The following CACNB4 variants were observed in gnomAD, a reference collection of about 807,000 sequenced individuals.
The protein encoded by CACNB4 is calcium voltage-gated channel auxiliary subunit beta 4.
In CACNB4, 32 loss-of-function variants were observed where a neutral mutation model predicts 71.2. The observed-to-expected ratio is 0.45, with a 90% CI of 0.34 to 0.60. The LOEUF is 0.60. Among genes scored for constraint, CACNB4 ranks in the 20% least tolerant of loss-of-function variants. The pLI is 0.01. For synonymous variants in CACNB4, 231 were observed against 236.9 expected (o/e 0.97, Z 0.23); for missense variants, 464 against 647.9 (o/e 0.72, Z 3.08).
chr2:151,927,093 T>C (rs1390630357), intron 2 of CACNB4, among the ~76,000 whole-genome samples: 2 of 152,210 alleles, frequency 1.3e-5, no homozygotes, highest in Non-Finnish European at 2.9e-5. Flanking sequence ...TAAAGGTCTT[T>C]ATGGCACAAA....
intron 2 of CACNB4, among the ~76,000 whole-genome samples, chr2:152,081,770 CTACT>C: frequency 6.6e-6 from 1 of 152,328 alleles, no homozygotes; most frequent in South Asian, 2.1e-4. Context: ...CCACCAGAAT[CTACT>C]TATTAAATAG....
chr2:151,894,351 A>G (rs1411048174), intron 2 of CACNB4, among the ~76,000 whole-genome samples: 1 of 152,204 alleles, frequency 6.6e-6, no homozygotes, highest in African/African-American at 2.4e-5. Context: ...TGATCATTTC[A>G]ACAGATGCAG....
chr2:151,972,659 A>T (rs1402174718), intron 2 of CACNB4: 1 of 151,898 alleles, frequency 6.6e-6, no homozygotes, highest in Non-Finnish European at 1.5e-5. Flanking sequence ...ATCATTAGAC[A>T]TATACGTCTG....
chr2:152,014,436 A>C (rs1239461323), intron 2 of CACNB4, among the ~76,000 whole-genome samples: 3 of 152,082 alleles, frequency 2.0e-5, no homozygotes, highest in Non-Finnish European at 1.5e-5. Flanking sequence ...GAATCTAAAG[A>C]ATCATAATTT....
At chr2:151,928,054 G>A (rs1363448460) in intron 2 of CACNB4, among the ~76,000 whole-genome samples, 1 of 152,210 alleles carries the variant, frequency 6.6e-6, no homozygotes, top group Non-Finnish European at 1.5e-5. Flanking sequence ...AGCAGACTTG[G>A]CCATGTGAAG....
intron 2 of CACNB4, among the ~76,000 whole-genome samples, chr2:151,943,036 T>G (rs567260787): frequency 5.1e-4 from 78 of 152,174 alleles, no homozygotes; most frequent in Non-Finnish European, 8.2e-4. Context: ...TTGTTCTGCT[T>G]TTTGCCCTTT....
At chr2:151,869,992 C>T (rs1036382009) in intron 8 of CACNB4, 21 of 534,612 alleles carry the variant, frequency 3.9e-5, no homozygotes, top group Non-Finnish European at 6.5e-5. Flanking sequence ...TTTTCCTTGT[C>T]ACATGGTTTT....
intron 8 of CACNB4, chr2:151,870,111 C>G (rs756103805): frequency 3.1e-5 from 19 of 604,768 alleles, no homozygotes; most frequent in Non-Finnish European, 5.3e-5. Flanking sequence ...ATCTTAAAAA[C>G]CCAGCAGGGT....
At chr2:151,975,215 T>C (rs1264741901) in intron 2 of CACNB4, among the ~76,000 whole-genome samples, 2 of 152,234 alleles carry the variant, frequency 1.3e-5, no homozygotes, top group Non-Finnish European at 2.9e-5. Flanking sequence ...CAAGAGTAAC[T>C]GGCTGGCCCT....
At chr2:151,933,648 C>T (rs960779660) in intron 2 of CACNB4, among the ~76,000 whole-genome samples, 1 of 152,138 alleles carries the variant, frequency 6.6e-6, no homozygotes, top group Non-Finnish European at 1.5e-5. Flanking sequence ...TACTCAGGCT[C>T]CCCCTCACAG....
At chr2:152,054,319 T>C (rs1685612095) in intron 2 of CACNB4, among the ~76,000 whole-genome samples, 1 of 132,712 alleles carries the variant, frequency 7.5e-6, no homozygotes, top group South Asian at 2.3e-4. Context: ...TGAGCCGAGA[T>C]CGCGCCACTG....
chr2:152,022,002 C>T (rs1351580911), intron 2 of CACNB4, among the ~76,000 whole-genome samples: 2 of 152,154 alleles, frequency 1.3e-5, no homozygotes, highest in African/African-American at 4.8e-5. Flanking sequence ...TCATTTTGAT[C>T]CAGCATCCAA....
intron 8 of CACNB4, 192 bp downstream of exon 8, chr2:151,870,339 G>A: frequency 1.4e-6 from 1 of 704,880 alleles, no homozygotes; most frequent in Non-Finnish European, 2.6e-6. Context: ...CATAAAAGAT[G>A]AGAAGTGTGC....
intron 2 of CACNB4, among the ~76,000 whole-genome samples, chr2:152,060,891 G>A (rs372491215): frequency 1.3e-5 from 2 of 152,252 alleles, no homozygotes; most frequent in Middle Eastern, 3.4e-3. Context: ...CATATACACA[G>A]AAAATATGAA....
chr2:151,879,041 C>T (rs1259602207), intron 4 of CACNB4, among the ~76,000 whole-genome samples: 1 of 152,144 alleles, frequency 6.6e-6, no homozygotes, highest in Admixed American at 6.5e-5. Context: ...AATAATAGGT[C>T]TGTTTATTTT....
chr2:151,898,722 T>C (rs2099852673), intron 2 of CACNB4, among the ~76,000 whole-genome samples: 1 of 152,252 alleles, frequency 6.6e-6, no homozygotes, highest in Admixed American at 6.5e-5. Context: ...AATAGGTCTT[T>C]TGTTATCATT....
intron 2 of CACNB4, among the ~76,000 whole-genome samples, chr2:152,083,334 AAGGAAGGAAGGAAGGAAGGG>A (rs998296864): frequency 2.7e-5 from 3 of 109,406 alleles, no homozygotes; most frequent in African/African-American, 1.4e-4. Flanking sequence ...CAAGGAAAGC[AAGGAAGGAAGGAAGGAAGGG>A]AGGAAGGAAG....
chr2:151,964,861 CT>C (rs1190749154), intron 2 of CACNB4, among the ~76,000 whole-genome samples: 7 of 152,184 alleles, frequency 4.6e-5, no homozygotes, highest in African/African-American at 1.7e-4. Context: ...CTTCCTTGAT[CT>C]GTGTGCTTTC....
intron 2 of CACNB4, among the ~76,000 whole-genome samples, chr2:151,933,168 A>G (rs1308692001): frequency 6.9e-6 from 1 of 145,624 alleles, no homozygotes; most frequent in East Asian, 2.0e-4. Flanking sequence ...GGTTTTTGCC[A>G]TTAAAAACAA....
Sources: allele counts gnomAD v4.1 joint callset (sites outside exome capture counted in the v4.1 genomes callset), GRCh38; gene constraint gnomAD v4.1.1; transcripts MANE v1.5; gene names NCBI Gene and HGNC (gene_info 2026-07-23, HGNC 2026-07-21).